AKT1: variants seen among roughly 807,000 people sequenced by gnomAD.
AKT1 encodes RAC-alpha serine/threonine-protein kinase.
AKT1 carries 21 observed loss-of-function variants against 63.1 expected under a neutral mutation model. The ratio of observed to expected loss-of-function variants is 0.33; its 90% CI spans 0.24 to 0.48. AKT1 has a LOEUF of 0.48. AKT1 is among the 20% of genes least tolerant of loss of function. The pLI is 0.99. For synonymous variants in AKT1, 257 were observed against 253.1 expected, an observed-to-expected ratio of 1.02 and a Z score of -0.15; for missense variants, 382 against 666.0, an observed-to-expected ratio of 0.57 and a Z score of 4.69.
chr14:104,776,364 C>G (rs902274984), intron 5 of AKT1: 2 of 291,660 alleles, frequency 6.9e-6, no homozygotes, highest in East Asian at 6.8e-5. Flanking sequence ...GCAGGCTAGT[C>G]TCAAACTCCT....
chr14:104,773,015 A>T lies in AKT1; in HGVS notation c.1035T>A (p.Gly345=), dbSNP rs1260478037. Residue 345 remains glycine, a synonymous_variant, in exon 12 of 15, where the codon GGT becomes GGA. Coordinates refer to ENST00000649815, the MANE Select transcript of AKT1 (RefSeq NM_001382430.1). The part of the protein sequence containing the change: ...LGVVMYEMMC[G]RLPFYNQDHE... ...GGTCCTGGTTGTAGAAGGGCAGGCG[A>T]CCGCACATCATCTCGTACATGACCA... 6.2e-7 allele frequency: 1 copy of T among 1,614,116 alleles called. No homozygotes were observed. Among genetic ancestry groups the T allele is most frequent in the South Asian group, 1.1e-5 (1 of 91,082 alleles).
At chr14:104,788,581 G>A (rs1401347829) in intron 3 of AKT1, among the ~76,000 whole-genome samples, 2 of 152,230 alleles carry the variant, frequency 1.3e-5, no homozygotes, top group Non-Finnish European at 2.9e-5. Context: ...GGATGGCTGA[G>A]CAGCAGCTGG....
At position 104,775,017 on chromosome 14, in the gene AKT1, C is replaced by A. The variant is rs2140915648; in HGVS notation, c.568-14G>T. 6.2e-7 allele frequency: 1 copy of A among 1,613,166 alleles called. No individual in the cohort carries two copies. Among genetic ancestry groups the A allele is most frequent in the South Asian group, 1.1e-5 (1 of 91,008 alleles). On this transcript the variant is annotated splice_polypyrimidine_tract_variant and intron_variant, in intron 7 of 14. Coordinates refer to ENST00000649815, the MANE Select transcript of AKT1 (RefSeq NM_001382430.1). ...GGCCACCTCGTCCTGTAAAGCAGGGCTGGGTGAGCTGCCACCCCGCACCCT... is the reference window on the plus strand; with the variant it reads ...GGCCACCTCGTCCTGTAAAGCAGGGATGGGTGAGCTGCCACCCCGCACCCT...
Position 104,777,600 on chromosome 14 carries a change from C to G in AKT1, c.176-830G>C, listed in dbSNP as rs1050359958. On this transcript the variant is annotated intron_variant, in intron 4 of 14. Coordinates refer to ENST00000649815, the MANE Select transcript of AKT1 (RefSeq NM_001382430.1). ...CACAGCCACACCTACAGCACGTACA[C>G]CCTGAGGGCTGTGGGAACGTGCGGG... is the stretch of plus-strand genomic sequence containing the variant. 3.9e-5 allele frequency: 39 copies of G among 997,260 alleles called. No homozygotes were observed. In the African/African-American group the frequency reaches 6.6e-4, roughly 17 times the overall value. The allele number at this position is 997,260 out of a possible 1,614,324, so 61.8% of individuals were successfully genotyped here.
At position 104,772,369 on chromosome 14, in the gene AKT1, T is replaced by C. The variant is rs754500025; in HGVS notation, c.1256A>G (p.Lys419Arg). 6.2e-7 allele frequency: 1 copy of C among 1,613,850 alleles called. No homozygotes were observed. Among genetic ancestry groups the C allele is most frequent in the Non-Finnish European group, 8.5e-7 (1 of 1,179,986 alleles). ...ATATGCGGGGAGCAGCCGCACCTTCTTCTCGTACACGTGCTGCCACACGAT... is the reference window on the plus strand; with the variant it reads ...ATATGCGGGGAGCAGCCGCACCTTCCTCTCGTACACGTGCTGCCACACGAT... ...AGIVWQHVYEKKLSPPFKPQV... is the reference protein window; with the variant it reads ...AGIVWQHVYERKLSPPFKPQV... Residue 419 changes from lysine to arginine, a missense_variant, in exon 13 of 15, where the codon AAG becomes AGG. By Grantham distance (26) the Lys-to-Arg change is conservative. Coordinates refer to ENST00000649815, the MANE Select transcript of AKT1 (RefSeq NM_001382430.1).
At chr14:104,775,901 T>C (rs1410843807) in intron 5 of AKT1, 102 bp from the exon 6 acceptor site, 3 of 1,439,432 alleles carry the variant, frequency 2.1e-6, no homozygotes, top group Non-Finnish European at 2.8e-6. Flanking sequence ...TCCACAGCTG[T>C]CGGGGTTCCC....
chr14:104,784,796 C>T (rs1274699089), intron 3 of AKT1, among the ~76,000 whole-genome samples: 1 of 152,200 alleles, frequency 6.6e-6, no homozygotes, highest in South Asian at 2.1e-4. Flanking sequence ...GGCCAGGACC[C>T]ACGCGCCATG....
chr14:104,774,825 A>G (rs1892614474), intron 8 of AKT1, 113 bp downstream of exon 8: 1 of 1,198,762 alleles, frequency 8.3e-7, no homozygotes, highest in African/African-American at 1.5e-5. Flanking sequence ...GGCGGAGTCC[A>G]CGGTGTGTAA....
At chr14:104,784,116 T>C (rs1050952366) in intron 3 of AKT1, among the ~76,000 whole-genome samples, 1 of 151,902 alleles carries the variant, frequency 6.6e-6, no homozygotes, top group African/African-American at 2.4e-5. Flanking sequence ...AGTCTCACCC[T>C]CCTGCTGGCC....
chr14:104,776,422 T>C (rs995784616), intron 5 of AKT1: 6 of 469,634 alleles, frequency 1.3e-5, no homozygotes, highest in East Asian at 1.1e-4. Flanking sequence ...GCCGAGATTA[T>C]AGACGTGAGC....
rs1271734990 is a variant in AKT1 at position 104,776,069 on chromosome 14, AGCAGGACTCCGCCCC to A, written c.288-285_288-271del. ...AACCCCCAGCAGGACTCCGCCCCCC[AGCAGGACTCCGCCCC>A]CCCCAAGCAGGACTCCGCCTCCCAA... On this transcript the variant is annotated intron_variant, in intron 5 of 14. Transcript: ENST00000649815. 2.4e-4 allele frequency: 55 copies of A among 229,886 alleles called. No individual in the cohort carries two copies. In the African/African-American group the frequency reaches 3.9e-3, roughly 16 times the overall value. 14.2% of individuals were successfully genotyped at this position (229,886 alleles called of 1,614,324 possible).
chr14:104,772,254 CCTGA>C, intron 13 of AKT1, 107 bp downstream of exon 13: 2 of 1,214,498 alleles, frequency 1.6e-6, no homozygotes, highest in Non-Finnish European at 1.2e-6. Flanking sequence ...GCAGCAGGCT[CCTGA>C]GGTGAGGGCG....
chr14:104,773,486 G>T lies in AKT1; in HGVS notation c.797C>A (p.Ser266Ter). The T allele has an allele frequency of 6.2e-7, 1 of 1,613,830 alleles. No homozygotes were observed. The highest frequency in any genetic ancestry group is 8.5e-7 in the Non-Finnish European group (1 of 1,179,860). The change falls in exon 10 of 15, where the codon TCG becomes TAG. Residue 266 changes from serine to a stop codon, truncating the protein, a stop_gained. Coordinates refer to ENST00000649815, the MANE Select transcript of AKT1 (RefSeq NM_001382430.1). LOFTEE classifies it high-confidence loss of function. ...EIVSALDYLH[S>*]EKNVVYRDLK... ...GTCCCGGTACACCACGTTCTTCTCCGAGTGCAGGTAGTCCAGGGCTGACAC... is the reference window on the plus strand; with the variant it reads ...GTCCCGGTACACCACGTTCTTCTCCTAGTGCAGGTAGTCCAGGGCTGACAC...
At chr14:104,774,246 C>G in intron 8 of AKT1, 1 of 536,952 alleles carries the variant, frequency 1.9e-6, no homozygotes, top group Non-Finnish European at 3.4e-6. Context: ...CCACACTGCC[C>G]CACACCACAC....
chr14:104,789,032 A>G (rs912361063), intron 3 of AKT1, among the ~76,000 whole-genome samples: 1 of 152,140 alleles, frequency 6.6e-6, no homozygotes, highest in African/African-American at 2.4e-5. Context: ...CACGCGCCCC[A>G]GGCAGCTTCC....
chr14:104,781,614 C>A (rs763668101), intron 3 of AKT1, among the ~76,000 whole-genome samples: 2 of 152,208 alleles, frequency 1.3e-5, no homozygotes, highest in African/African-American at 4.8e-5. Context: ...CCTACCCCGG[C>A]CCCAGCTGCC....
chr14:104,769,461 G>A lies in AKT1; in HGVS notation c.*880C>T, dbSNP rs17102385. 407 of 445,848 alleles carry A rather than the reference G, an allele frequency of 9.1e-4. 5 individuals carry two copies. The highest frequency in any genetic ancestry group is 7.2e-3 in the African/African-American group (350 of 48,660). The allele number at this position is 445,848 out of a possible 1,614,324, so 27.6% of individuals were successfully genotyped here. A position where few individuals can be genotyped will look rare whatever the true frequency, so the allele number is the denominator to read the frequency against. On this transcript the variant is annotated 3_prime_UTR_variant, in exon 15 of 15. Coordinates refer to ENST00000649815, the MANE Select transcript of AKT1 (RefSeq NM_001382430.1). Reference sequence around the variant, plus strand: ...AAAAACGCCGTGGTGCAGCGGCAGCGGCAGCGTCTGGCCAGGAGGCGTGGA... The same window carrying A: ...AAAAACGCCGTGGTGCAGCGGCAGCAGCAGCGTCTGGCCAGGAGGCGTGGA...
At chr14:104,788,410 G>T (rs993102777) in intron 3 of AKT1, among the ~76,000 whole-genome samples, 13 of 152,180 alleles carry the variant, frequency 8.5e-5, no homozygotes, top group African/African-American at 3.1e-4. Context: ...AGCCCTGCGG[G>T]GCCCTCCGCA....
At chr14:104,779,161 G>T (rs1892889789) in intron 4 of AKT1, among the ~76,000 whole-genome samples, 1 of 152,186 alleles carries the variant, frequency 6.6e-6, no homozygotes, top group Non-Finnish European at 1.5e-5. Flanking sequence ...GGGTAGGGTC[G>T]CACCTGCCCC....
Sources: gnomAD v4.1 joint callset for allele counts (sites outside exome capture counted in the v4.1 genomes callset) on GRCh38, gnomAD v4.1.1 for gene constraint, MANE v1.5 for transcripts, NCBI Gene and HGNC (gene_info 2026-07-23, HGNC 2026-07-21) for gene names.